Variants in MGAT5B observed in about 807,000 individuals in gnomAD.
The protein encoded by MGAT5B is alpha-1,6-mannosylglycoprotein 6-beta-N-acetylglucosaminyltransferase B.
MGAT5B carries 54 observed loss-of-function variants against 95.1 expected under a neutral mutation model. The observed-to-expected ratio is 0.57, with a 90% CI of 0.46 to 0.71. The LOEUF (loss-of-function observed/expected upper bound fraction) is 0.71. MGAT5B is among the 30% of genes least tolerant of loss of function. MGAT5B has a pLI of 0.00. For synonymous variants in MGAT5B, 464 were observed against 451.0 expected (o/e 1.03, Z -0.36); for missense variants, 935 against 1,088.6 (o/e 0.86, Z 1.99).
At chr17:76,909,068 A>T (rs1467792274) in intron 8 of MGAT5B, among the ~76,000 whole-genome samples, 1 of 152,134 alleles carries the variant, frequency 6.6e-6, no homozygotes, top group Non-Finnish European at 1.5e-5. Flanking sequence ...TGGCCTCCCA[A>T]AGTGCTGGAA....
intron 12 of MGAT5B, 31 bp downstream of exon 12, chr17:76,933,328 T>TACCCTCTGCTCCCTTCCCCTCTCC: frequency 1.3e-6 from 2 of 1,598,126 alleles, no homozygotes; most frequent in African/African-American, 2.7e-5. Flanking sequence ...CTGCCCCCTC[T>TACCCTCTGCTCCCTTCCCCTCTCC]ACCCTCTGCT....
intron 2 of MGAT5B, among the ~76,000 whole-genome samples, chr17:76,874,736 C>G (rs1967124473): frequency 6.6e-6 from 1 of 152,094 alleles, no homozygotes; most frequent in Admixed American, 6.5e-5. Flanking sequence ...CTTGCCCCAT[C>G]TGGGCAGGAT....
At chr17:76,903,279 C>A in intron 4 of MGAT5B, 24 bp from the exon 5 acceptor site, 1 of 1,599,516 alleles carries the variant, frequency 6.3e-7, no homozygotes, top group Non-Finnish European at 8.5e-7. Flanking sequence ...CCAGGGACTT[C>A]AGCAAGGTGA....
chr17:76,931,891 G>A (rs1969486577), intron 10 of MGAT5B, among the ~76,000 whole-genome samples: 1 of 152,136 alleles, frequency 6.6e-6, no homozygotes, highest in African/African-American at 2.4e-5. Flanking sequence ...GAAGCTTGGG[G>A]CTCCAGGGAC....
chr17:76,882,704 CCTTTTT>C lies in MGAT5B; in HGVS notation c.329+407_329+412del, dbSNP rs1330621422. On this transcript the variant is annotated intron_variant, in intron 3 of 17. Transcript: ENST00000569840. ...ATCTCACAGCACATATTCCACTGCC[CCTTTTT>C]TTTTTTTTTTTTTTTTTTGACACAG... 2.8e-4 allele frequency among the ~76,000 whole-genome samples: 39 copies of C among 137,586 alleles called. 3 individuals carry two copies. Among genetic ancestry groups the C allele is most frequent in the Admixed American group, 2.3e-3 (30 of 13,322 alleles). The allele number at this position is 137,586 out of a possible 152,430, so 90.3% of individuals were successfully genotyped here. A position where few individuals can be genotyped will look rare whatever the true frequency, so the allele number is the denominator to read the frequency against.
chr17:76,877,063 C>T (rs529182729), intron 2 of MGAT5B, among the ~76,000 whole-genome samples: 2 of 152,116 alleles, frequency 1.3e-5, no homozygotes, highest in East Asian at 1.9e-4. Flanking sequence ...TGGTGGCTCA[C>T]GCCTGTAATC....
At chr17:76,899,615 T>C (rs2145178340) in intron 3 of MGAT5B, among the ~76,000 whole-genome samples, 1 of 152,300 alleles carries the variant, frequency 6.6e-6, no homozygotes, top group Middle Eastern at 3.4e-3. Flanking sequence ...CCAGCCTCTG[T>C]CCAGGGTGGC....
intron 3 of MGAT5B, among the ~76,000 whole-genome samples, chr17:76,897,688 T>TCTTTCTTTCTTTCTTC (rs1968122294): frequency 1.9e-5 from 2 of 107,896 alleles, no homozygotes; most frequent in Admixed American, 2.1e-4. Context: ...TTTCTTTCTT[T>TCTTTCTTTCTTTCTTC]CTTTCTTTCT....
intron 3 of MGAT5B, among the ~76,000 whole-genome samples, chr17:76,887,455 C>T (rs1967681772): frequency 9.1e-6 from 1 of 109,816 alleles, no homozygotes; most frequent in Admixed American, 8.8e-5. Flanking sequence ...CCCTTCCTTC[C>T]TCCCTCCCTC....
chr17:76,892,992 C>T (rs1967932460), intron 3 of MGAT5B, among the ~76,000 whole-genome samples: 1 of 152,138 alleles, frequency 6.6e-6, no homozygotes. Context: ...GGGTGAGCTC[C>T]CGGGAGCAGG....
chr17:76,913,811 A>G (rs1036792302), intron 8 of MGAT5B: 12 of 457,856 alleles, frequency 2.6e-5, no homozygotes, highest in South Asian at 1.7e-4. Context: ...AAAATGTCCA[A>G]AGAATTTGGT....
rs573980093 is a variant in MGAT5B at position 76,916,925 on chromosome 17, G to A, written c.1026-8041G>A. The stretch of plus-strand genomic sequence containing the variant: ...GGAAGGGTCAAACTCAGGGGTTCCC[G>A]CCTCTTAGAAACTGGGGCCAGGGCT... On this transcript the variant is annotated intron_variant, in intron 8 of 17. Transcript: ENST00000569840. The surrounding 1 kb of genome is among the most constrained non-coding windows in gnomAD (Gnocchi z 5.3). Among the ~76,000 whole-genome samples, 47 of 152,252 alleles carry A rather than the reference G, an allele frequency of 3.1e-4. No individual in the cohort carries two copies. The highest frequency in any genetic ancestry group is 8.5e-4 in the Admixed American group (13 of 15,302).
chr17:76,926,486 C>T, intron 9 of MGAT5B, 111 bp from the exon 10 acceptor site: 3 of 1,072,252 alleles, frequency 2.8e-6, no homozygotes, highest in Non-Finnish European at 4.0e-6. Context: ...ACACACTGTG[C>T]TACTCTGACT....
chr17:76,903,453 C>T (rs1968397101), intron 5 of MGAT5B, 77 bp downstream of exon 5: 7 of 1,288,164 alleles, frequency 5.4e-6, no homozygotes, highest in Non-Finnish European at 6.4e-6. Context: ...CACCCAGGCA[C>T]AAGCTGGCAG....
intron 3 of MGAT5B, among the ~76,000 whole-genome samples, chr17:76,895,301 G>T (rs62084713): frequency 1.3e-5 from 2 of 151,702 alleles, no homozygotes; most frequent in Non-Finnish European, 2.9e-5. Flanking sequence ...CTGATTCTAC[G>T]TGGTGGTGAG....
At chr17:76,926,973 G>A (rs1242266738) in intron 10 of MGAT5B, among the ~76,000 whole-genome samples, 2 of 152,124 alleles carry the variant, frequency 1.3e-5, no homozygotes, top group South Asian at 2.1e-4. Flanking sequence ...TGACCTCCCC[G>A]ACTCCAGCAG....
chr17:76,883,280 A>T (rs1967502539), intron 3 of MGAT5B, among the ~76,000 whole-genome samples: 1 of 152,182 alleles, frequency 6.6e-6, no homozygotes, highest in Non-Finnish European at 1.5e-5. Context: ...GATTACAGGC[A>T]TGAGCCACCC....
chr17:76,938,074 G>A lies in MGAT5B; in HGVS notation c.1515G>A (p.Val505=). Residue 505 remains valine (V), a synonymous_variant, in exon 13 of 18, where the codon GTG becomes GTA. Transcript: ENST00000569840. This position sits in a 1 kb window ranked among gnomAD's most constrained non-coding sequence, Gnocchi z 4.3. Reference sequence around the variant, plus strand: ...ACGAGAGCCAGCGGCCCCCCGAGGTGCCAGCCTTTGTGAAGAACCACGGCC... The same window carrying A: ...ACGAGAGCCAGCGGCCCCCCGAGGTACCAGCCTTTGTGAAGAACCACGGCC... ...VYYESQRPPE[V]PAFVKNHGLL... The A allele has an allele frequency of 6.2e-7, 1 of 1,614,260 alleles. No homozygotes were observed. The highest frequency in any genetic ancestry group is 2.2e-5 in the East Asian group (1 of 44,890).
At chr17:76,907,498 C>G (rs986377475) in intron 8 of MGAT5B, among the ~76,000 whole-genome samples, 2 of 114,920 alleles carry the variant, frequency 1.7e-5, no homozygotes, top group African/African-American at 7.9e-5. Context: ...CAAACTCACT[C>G]TGTTTCAAAG....
Sources: allele counts gnomAD v4.1 joint callset (sites outside exome capture counted in the v4.1 genomes callset), GRCh38; gene constraint gnomAD v4.1.1; non-coding constraint Gnocchi (gnomAD v3.1); transcripts MANE v1.5; gene names NCBI Gene and HGNC (gene_info 2026-07-23, HGNC 2026-07-21).